Variants in MLANA observed in about 807,000 individuals in gnomAD.
MLANA encodes melan-A, also known as melanoma antigen recognized by T-cells 1.
A neutral mutation model predicts 15.7 loss-of-function variants in MLANA; 21 were observed. That is an observed-to-expected ratio of 1.33 (90% CI 0.95 to 1.92). The LOEUF (loss-of-function observed/expected upper bound fraction) is 1.92. Among genes scored for constraint, MLANA ranks in the 40% most tolerant of loss-of-function variants. The pLI, the probability that MLANA is intolerant of heterozygous loss-of-function variation, is 0.00. For missense variants in MLANA, 164 were observed against 143.8 expected (o/e 1.14, Z -0.72); for synonymous variants, 56 against 51.5 (o/e 1.09, Z -0.37).
intron 3 of MLANA, among the ~76,000 whole-genome samples, chr9:5,906,569 G>C (rs534211637): frequency 6.6e-6 from 1 of 152,314 alleles, no homozygotes; most frequent in Non-Finnish European, 1.5e-5. Context: ...TTTCACAAGA[G>C]TGTTCCTTTT....
At chr9:5,892,402 A>T (rs1831712369) in intron 1 of MLANA, 48 bp from the exon 2 acceptor site, 1 of 1,357,658 alleles carries the variant, frequency 7.4e-7, no homozygotes, top group South Asian at 1.3e-5. Context: ...GATGATGAAT[A>T]GGGTGGCTTT....
rs1334510325 is a variant in MLANA at position 5,908,676 on chromosome 9, G to C, written c.325G>C (p.Ala109Pro). 4.3e-6 allele frequency: 7 copies of C among 1,613,976 alleles called. No homozygotes were observed. The highest frequency in any genetic ancestry group is 5.9e-6 in the Non-Finnish European group (7 of 1,179,980). The change falls in exon 5 of 5, where the codon GCA becomes CCA. Residue 109 changes from alanine to proline, a missense_variant. Transcript: ENST00000381477. ...TCCACCTGCTTATGAGAAACTCTCT[G>C]CAGAACAGTCACCACCACCTTATTC... Reference protein sequence around the residue: ...NAPPAYEKLSAEQSPPPYSP With the variant: ...NAPPAYEKLSPEQSPPPYSP
chr9:5,907,620 T>C (rs1234554052), intron 4 of MLANA, among the ~76,000 whole-genome samples: 1 of 152,270 alleles, frequency 6.6e-6, no homozygotes, highest in African/African-American at 2.4e-5. Context: ...AGATTAATTT[T>C]ACATGTTTCT....
rs1003869687 is a variant in MLANA, at chr9:5,909,026, C to A, written c.*318C>A. 2 of 320,574 alleles carry A rather than the reference C, an allele frequency of 6.2e-6. No individual in the cohort carries two copies. The highest frequency in any genetic ancestry group is 1.2e-5 in the Non-Finnish European group (2 of 173,594). The allele number at this position is 320,574 out of a possible 1,614,324, so 19.9% of individuals were successfully genotyped here. A position where few individuals can be genotyped will look rare whatever the true frequency, so the allele number is the denominator to read the frequency against. ...ATTCAAGTGGGTATTCTGGGGCCAT[C>A]CAATTTCTCTTTACTTGAAATTTGG... On this transcript the variant is annotated 3_prime_UTR_variant, in exon 5 of 5. Transcript: ENST00000381477.
At chr9:5,907,050 C>A in intron 4 of MLANA, 52 bp downstream of exon 4, 1 of 1,132,156 alleles carries the variant, frequency 8.8e-7, no homozygotes, top group Non-Finnish European at 1.3e-6. Flanking sequence ...GTTTTTAACT[C>A]AAGTGAATAC....
At chr9:5,896,725 G>C (rs1447801792) in intron 2 of MLANA, among the ~76,000 whole-genome samples, 1 of 152,200 alleles carries the variant, frequency 6.6e-6, no homozygotes, top group Non-Finnish European at 1.5e-5. Flanking sequence ...TCCAGGCCCT[G>C]TTTCCAGGGT....
chr9:5,907,978 T>C (rs1346016799), intron 4 of MLANA, among the ~76,000 whole-genome samples: 1 of 152,046 alleles, frequency 6.6e-6, no homozygotes, highest in African/African-American at 2.4e-5. Flanking sequence ...AAAATAAAAT[T>C]ACATAAGTGG....
At chr9:5,905,473 A>T (rs746484669) in intron 3 of MLANA, among the ~76,000 whole-genome samples, 6 of 152,248 alleles carry the variant, frequency 3.9e-5, no homozygotes, top group Non-Finnish European at 8.8e-5. Context: ...ATGCAAGGAA[A>T]GGGTTAAATC....
chr9:5,907,072 T>C (rs529888715), intron 4 of MLANA, 74 bp downstream of exon 4: 1 of 1,039,216 alleles, frequency 9.6e-7, no homozygotes, highest in South Asian at 1.8e-5. Flanking sequence ...ATTATTTCCA[T>C]TTAAAAAGCA....
rs770330206 is a variant in MLANA, at chr9:5,908,861, G to A, written c.*153G>A. ...TCAGTGTTAAAATTTTAGTAGGTCC[G>A]CTAGCAGTACTAATCATGTGAGGAA... is the stretch of plus-strand genomic sequence containing the variant. On this transcript the variant is annotated 3_prime_UTR_variant, in exon 5 of 5. Transcript: ENST00000381477. 4.6e-5 allele frequency: 30 copies of A among 646,448 alleles called. No individual in the cohort carries two copies. The highest frequency in any genetic ancestry group is 7.4e-5 in the Non-Finnish European group (27 of 367,064). The allele number at this position is 646,448 out of a possible 1,614,324, so 40.0% of individuals were successfully genotyped here. A position where few individuals can be genotyped will look rare whatever the true frequency, so the allele number is the denominator to read the frequency against.
At chr9:5,906,186 TA>T (rs34203799) in intron 3 of MLANA, among the ~76,000 whole-genome samples, 301 of 140,330 alleles carry the variant, frequency 2.1e-3, no homozygotes, top group Admixed American at 2.6e-3. Context: ...TCATGTCTCT[TA>T]AAAAAAAAAA....
chr9:5,898,601 C>A (rs1832200659), intron 3 of MLANA, among the ~76,000 whole-genome samples: 1 of 152,138 alleles, frequency 6.6e-6, no homozygotes, highest in Non-Finnish European at 1.5e-5. Flanking sequence ...TAGCTAAGCA[C>A]TGACGGTTTA....
intron 4 of MLANA, 34 bp from the exon 5 acceptor site, chr9:5,908,606 C>T: frequency 6.4e-7 from 1 of 1,573,966 alleles, no homozygotes; most frequent in East Asian, 2.2e-5. Flanking sequence ...TACACTGTTG[C>T]CAAGCCCATA....
intron 4 of MLANA, among the ~76,000 whole-genome samples, chr9:5,907,605 T>C (rs1832901693): frequency 6.6e-6 from 1 of 152,240 alleles, no homozygotes; most frequent in African/African-American, 2.4e-5. Flanking sequence ...AAACAAAATA[T>C]TTTAAGATTA....
In MLANA at chr9:5,893,348, C is replaced by T. The variant is rs537167122; in HGVS notation, c.77+797C>T. 5.9e-4 allele frequency among the ~76,000 whole-genome samples: 90 copies of T among 152,288 alleles called. 1 individual carries two copies. Among genetic ancestry groups the T allele is most frequent in the African/African-American group, 2.1e-3 (87 of 41,550 alleles). ...TGCGTGGGACTCTAACAGGACAACA[C>T]CCTCTTATGTGGTCTGTCCAGAACT... is the stretch of plus-strand genomic sequence containing the variant. On this transcript the variant is annotated intron_variant, in intron 2 of 4. Coordinates refer to ENST00000381477, the MANE Select transcript of MLANA (RefSeq NM_005511.2).
At chr9:5,905,251 C>G (rs2129982465) in intron 3 of MLANA, among the ~76,000 whole-genome samples, 1 of 152,176 alleles carries the variant, frequency 6.6e-6, no homozygotes, top group East Asian at 1.9e-4. Flanking sequence ...ATCCTCCAAA[C>G]AACTGAATGG....
chr9:5,904,756 C>T (rs1014950082), intron 3 of MLANA, among the ~76,000 whole-genome samples: 17 of 150,452 alleles, frequency 1.1e-4, no homozygotes, highest in Admixed American at 6.0e-4. Context: ...TGAGCCACCG[C>T]GCCCAGTCCA....
At chr9:5,902,015 G>T (rs1832461043) in intron 3 of MLANA, among the ~76,000 whole-genome samples, 1 of 82,978 alleles carries the variant, frequency 1.2e-5, no homozygotes, top group Admixed American at 1.4e-4. Flanking sequence ...GGTAATGCTG[G>T]CCTCATAGCA....
intron 3 of MLANA, 127 bp from the exon 4 acceptor site, chr9:5,906,758 G>T: frequency 1.8e-6 from 1 of 569,844 alleles, no homozygotes; most frequent in Admixed American, 3.6e-5. Context: ...GAGACTGAAG[G>T]CACACAGCAA....
Sources: allele counts gnomAD v4.1 joint callset (sites outside exome capture counted in the v4.1 genomes callset), GRCh38; gene constraint gnomAD v4.1.1; transcripts MANE v1.5; gene names NCBI Gene and HGNC (gene_info 2026-07-23, HGNC 2026-07-21).